The following NUDCD3 variants were observed in gnomAD, a reference collection of about 807,000 sequenced individuals.
NUDCD3 encodes NudC domain containing 3, also known as nudC domain-containing protein 3.
In NUDCD3, 13 loss-of-function variants were observed where a neutral mutation model predicts 39.7. The ratio of observed to expected loss-of-function variants is 0.33; its 90% CI spans 0.21 to 0.52. NUDCD3 has a LOEUF of 0.52. Ranked by LOEUF, NUDCD3 falls within the 20% of genes least tolerant of loss-of-function variation. The pLI, the probability that NUDCD3 is intolerant of heterozygous loss-of-function variation, is 0.96. For missense variants in NUDCD3, 453 were observed against 458.1 expected (o/e 0.99, Z 0.10); for synonymous variants, 175 against 172.4 (o/e 1.02, Z -0.12).
At chr7:44,459,697 C>A (rs915358284) in intron 2 of NUDCD3, among the ~76,000 whole-genome samples, 1 of 152,156 alleles carries the variant, frequency 6.6e-6, no homozygotes, top group South Asian at 2.1e-4. Context: ...GAAGAAGATA[C>A]CATTGCTAAA....
intron 1 of NUDCD3, among the ~76,000 whole-genome samples, chr7:44,488,756 T>G (rs535902437): frequency 1.3e-5 from 2 of 152,176 alleles, no homozygotes; most frequent in African/African-American, 4.8e-5. Context: ...CCTCCATCCC[T>G]GCTCCCCATC....
At chr7:44,458,518 G>C (rs371281281) in intron 2 of NUDCD3, among the ~76,000 whole-genome samples, 13 of 152,056 alleles carry the variant, frequency 8.5e-5, no homozygotes, top group East Asian at 3.9e-4. Flanking sequence ...AATTAGCCAG[G>C]CATGGTGAGC....
intron 2 of NUDCD3, chr7:44,467,767 C>T (rs1800149840): frequency 4.5e-6 from 3 of 660,610 alleles, no homozygotes; most frequent in Admixed American, 5.7e-5. Context: ...TACAACAGCC[C>T]TTTAATTGTT....
intron 2 of NUDCD3, among the ~76,000 whole-genome samples, chr7:44,472,337 G>C (rs1199407892): frequency 6.6e-6 from 1 of 152,200 alleles, no homozygotes; most frequent in South Asian, 2.1e-4. Flanking sequence ...AAACCAGTAA[G>C]AGAATTCGAT....
chr7:44,485,694 C>G (rs1005259881), intron 1 of NUDCD3: 1 of 164,800 alleles, frequency 6.1e-6, no homozygotes, highest in Non-Finnish European at 1.3e-5. Flanking sequence ...CTTCAATTCC[C>G]AAAATGGAAC....
intron 2 of NUDCD3, among the ~76,000 whole-genome samples, chr7:44,432,344 A>T (rs1019839283): frequency 1.3e-5 from 2 of 152,228 alleles, no homozygotes; most frequent in Non-Finnish European, 2.9e-5. Flanking sequence ...ATGTAAAATG[A>T]AGAGTAAAAG....
At chr7:44,462,947 G>C (rs1800044956) in intron 2 of NUDCD3, among the ~76,000 whole-genome samples, 1 of 5,102 alleles carries the variant, frequency 2.0e-4, no homozygotes, top group Admixed American at 1.9e-3. Context: ...CAACCAGGCT[G>C]TGTGTGTGTG....
intron 2 of NUDCD3, among the ~76,000 whole-genome samples, chr7:44,430,873 C>T (rs961796555): frequency 1.3e-5 from 2 of 152,164 alleles, no homozygotes; most frequent in South Asian, 2.1e-4. Context: ...TGCCACTACA[C>T]GCTGCAGTAA....
rs577361421 is a variant in NUDCD3, at chr7:44,383,223, G to A, written c.*2788C>T. Reference sequence around the variant, plus strand: ...GCTCAGCAAAGTTAACAGCAGGTATGCACCTGGAGACCAAGGAGGGCCTTG... The same window carrying A: ...GCTCAGCAAAGTTAACAGCAGGTATACACCTGGAGACCAAGGAGGGCCTTG... On this transcript the variant is annotated 3_prime_UTR_variant, in exon 6 of 6. Coordinates refer to ENST00000355451, the MANE Select transcript of NUDCD3 (RefSeq NM_015332.4). 6.6e-6 allele frequency: 1 copy of A among 152,400 alleles called. No homozygotes were observed. The highest frequency in any genetic ancestry group is 1.5e-5 in the Non-Finnish European group (1 of 68,062). The allele number at this position is 152,400 out of a possible 1,614,324, so 9.4% of individuals were successfully genotyped here. A position where few individuals can be genotyped will look rare whatever the true frequency, so the allele number is the denominator to read the frequency against.
At chr7:44,414,897 G>A (rs1170070327) in intron 3 of NUDCD3, among the ~76,000 whole-genome samples, 1 of 152,158 alleles carries the variant, frequency 6.6e-6, no homozygotes, top group African/African-American at 2.4e-5. Flanking sequence ...AGCCATAAAT[G>A]ACACACCTAG....
chr7:44,484,746 T>C (rs370800347), intron 2 of NUDCD3: 1 of 494,560 alleles, frequency 2.0e-6, no homozygotes, highest in African/African-American at 1.9e-5. Context: ...CAAATGGTTG[T>C]ATGACTACTG....
At chr7:44,422,879 G>A (rs1479167073) in intron 3 of NUDCD3, among the ~76,000 whole-genome samples, 1 of 152,164 alleles carries the variant, frequency 6.6e-6, no homozygotes, top group South Asian at 2.1e-4. Flanking sequence ...GATGAACGTC[G>A]ATGTGAAAAT....
chr7:44,456,812 A>G (rs563264337), intron 2 of NUDCD3, among the ~76,000 whole-genome samples: 1 of 152,310 alleles, frequency 6.6e-6, no homozygotes, highest in South Asian at 2.1e-4. Flanking sequence ...GCTAGAAGAA[A>G]ATGGAGGAAT....
At chr7:44,429,252 TC>T (rs1371541285) in intron 2 of NUDCD3, among the ~76,000 whole-genome samples, 1 of 152,160 alleles carries the variant, frequency 6.6e-6, no homozygotes, top group Non-Finnish European at 1.5e-5. Flanking sequence ...CCCCAGGACC[TC>T]AGAATGTGAC....
rs1798323125 is a variant in NUDCD3 at position 44,382,564 on chromosome 7, GA to G, written c.*3446del. On this transcript the variant is annotated 3_prime_UTR_variant, in exon 6 of 6. Coordinates refer to ENST00000355451, the MANE Select transcript of NUDCD3 (RefSeq NM_015332.4). The stretch of plus-strand genomic sequence containing the variant: ...GCCTGGTTTAAATGCCTGTTCCCCA[GA>G]CCCCACAGTCAGACGGTAGAGAGGA... 1 of 152,298 alleles carries G rather than the reference GA, an allele frequency of 6.6e-6. No homozygotes were observed. The highest frequency in any genetic ancestry group is 2.1e-4 in the South Asian group (1 of 4,830). 9.4% of individuals were successfully genotyped at this position (152,298 alleles called of 1,614,324 possible).
rs307017 is a variant in NUDCD3, at chr7:44,475,668, G to C, written c.509+9300C>G. 3.0e-3 allele frequency among the ~76,000 whole-genome samples: 455 copies of C among 152,182 alleles called. 5 individuals carry two copies. The highest frequency in any genetic ancestry group is 0.01 in the African/African-American group (422 of 41,514). On this transcript the variant is annotated intron_variant, in intron 2 of 5. Coordinates refer to ENST00000355451, the MANE Select transcript of NUDCD3 (RefSeq NM_015332.4). Reference sequence around the variant, plus strand: ...TCAGCTACTCAGGAGGCTGAGGTAGGAAGACAGCTTGAGCCCAGGAAGTCG... The same window carrying C: ...TCAGCTACTCAGGAGGCTGAGGTAGCAAGACAGCTTGAGCCCAGGAAGTCG...
intron 3 of NUDCD3, among the ~76,000 whole-genome samples, chr7:44,416,075 A>T (rs1003797334): frequency 3.3e-5 from 5 of 152,118 alleles, no homozygotes; most frequent in Non-Finnish European, 7.4e-5. Context: ...AAGAATTTTT[A>T]TTTTTACTTT....
chr7:44,468,403 A>C (rs967828222), intron 2 of NUDCD3: 2 of 982,202 alleles, frequency 2.0e-6, no homozygotes, highest in African/African-American at 3.3e-5. Context: ...GAGACGAAAG[A>C]ATTTGTTTGT....
chr7:44,394,245 G>A (rs751361716), intron 4 of NUDCD3, among the ~76,000 whole-genome samples: 1 of 152,004 alleles, frequency 6.6e-6, no homozygotes, highest in Non-Finnish European at 1.5e-5. Context: ...GGGAGTGGGT[G>A]GCTCCCCTAC....
Sources: gnomAD v4.1 joint callset for allele counts (sites outside exome capture counted in the v4.1 genomes callset) on GRCh38, gnomAD v4.1.1 for gene constraint, MANE v1.5 for transcripts, NCBI Gene and HGNC (gene_info 2026-07-23, HGNC 2026-07-21) for gene names.